The following CPT1C variants were observed in gnomAD, a reference collection of about 807,000 sequenced individuals.
CPT1C encodes carnitine palmitoyltransferase 1C.
CPT1C carries 61 observed loss-of-function variants against 97.3 expected under a neutral mutation model. The ratio of observed to expected loss-of-function variants is 0.63; its 90% CI spans 0.51 to 0.78. The LOEUF is 0.78. Ranked by LOEUF, CPT1C falls within the 30% of genes least tolerant of loss-of-function variation. The pLI, the probability that CPT1C is intolerant of heterozygous loss-of-function variation, is 0.00. For synonymous variants in CPT1C, 469 were observed against 447.2 expected, an observed-to-expected ratio of 1.05 and a Z score of -0.61; for missense variants, 975 against 1,065.5, an observed-to-expected ratio of 0.92 and a Z score of 1.18.
In CPT1C at chr19:49,705,236, C is replaced by T; in HGVS notation, c.902C>T (p.Pro301Leu). 1 of 1,614,020 alleles carries T rather than the reference C, an allele frequency of 6.2e-7. No homozygotes were observed. Among genetic ancestry groups the T allele is most frequent in the Non-Finnish European group, 8.5e-7 (1 of 1,179,936 alleles). Residue 301 changes from proline (P) to leucine (L), a missense_variant, in exon 10 of 20, where the codon CCC becomes CTC. By Grantham distance (98) the Pro-to-Leu change is moderately conservative. Around this residue, in one of 3 missense-constraint regions of CPT1C, gnomAD observed 596 missense variants for 603.1 expected, o/e 0.99. Transcript: ENST00000598293. ...IPPTLLMGMR[P>L]LCSAQYEKIF... ...CAGACTTTGCTGATGGGAATGCGCCCCTTATGCTCTGCCCAGTACGAGAAG... is the reference window on the plus strand; with the variant it reads ...CAGACTTTGCTGATGGGAATGCGCCTCTTATGCTCTGCCCAGTACGAGAAG...
At chr19:49,701,110 C>CCCCCCTTTCTCTCTGGGTCTCTGT (rs2083016556) in intron 5 of CPT1C, among the ~76,000 whole-genome samples, 4 of 47,704 alleles carry the variant, frequency 8.4e-5, no homozygotes, top group African/African-American at 3.0e-4. Flanking sequence ...TGGGTCTCTG[C>CCCCCCTTTCTCTCTGGGTCTCTGT]CCCCCTCTCT....
rs543751137 is a variant in CPT1C, at chr19:49,695,553, G to A, written c.142-1773G>A. The stretch of plus-strand genomic sequence containing the variant: ...ACCCGCCTTGGCCTCTCAGAGTGCT[G>A]GGACTACAGGCATGATCCACTGCAC... On this transcript the variant is annotated intron_variant, in intron 3 of 19. Transcript: ENST00000598293. Among the ~76,000 whole-genome samples, 432 of 149,380 alleles carry A rather than the reference G, an allele frequency of 2.9e-3. 3 individuals carry two copies. The highest frequency in any genetic ancestry group is 9.9e-3 in the African/African-American group (398 of 40,290).
intron 3 of CPT1C, 121 bp downstream of exon 3, chr19:49,692,514 T>G (rs10423580): frequency 0.46 from 593,034 of 1,281,464 alleles, 144,522 homozygotes; most frequent in African/African-American, 0.85. Flanking sequence ...CCCTTTTTCT[T>G]AGAATTTTGA....
intron 14 of CPT1C, 129 bp from the exon 15 acceptor site, chr19:49,710,191 T>G: frequency 1.1e-6 from 1 of 883,224 alleles, no homozygotes; most frequent in Non-Finnish European, 1.8e-6. Flanking sequence ...TCTTCTCTTC[T>G]TTGTCCCCAT....
chr19:49,709,910 G>C (rs143096125), intron 14 of CPT1C, among the ~76,000 whole-genome samples: 1 of 150,118 alleles, frequency 6.7e-6, no homozygotes, highest in African/African-American at 2.5e-5. Context: ...GCAGTGGTGC[G>C]ATCTCAGCTC....
intron 3 of CPT1C, 87 bp from the exon 4 acceptor site, chr19:49,697,239 G>A (rs1389855946): frequency 3.9e-6 from 6 of 1,556,884 alleles, no homozygotes; most frequent in Non-Finnish European, 4.4e-6. Context: ...CTCCGCACTG[G>A]GTGCTCAGTA....
In CPT1C at chr19:49,699,207, G is replaced by A. The variant is rs935115890; in HGVS notation, c.282-1477G>A. On this transcript the variant is annotated intron_variant, in intron 4 of 19. Transcript: ENST00000598293. ...TTTATTGAGTTATTGTGATCTTCAGGAAGGGTCTGAAAACTGGGTGCAGGT... is the reference window on the plus strand; with the variant it reads ...TTTATTGAGTTATTGTGATCTTCAGAAAGGGTCTGAAAACTGGGTGCAGGT... Among the ~76,000 whole-genome samples, 6 of 152,070 alleles carry A rather than the reference G, an allele frequency of 3.9e-5. No individual in the cohort carries two copies. In the South Asian group the frequency reaches 1.3e-3, roughly 32 times the overall value.
Position 49,711,912 on chromosome 19 carries a change from T to G in CPT1C, c.1970T>G (p.Leu657Arg). 5.6e-6 allele frequency: 9 copies of G among 1,614,180 alleles called. No homozygotes were observed. Among genetic ancestry groups the G allele is most frequent in the Non-Finnish European group, 7.6e-6 (9 of 1,180,032 alleles). ...GGAGTTGACCGCCACCTGTTTGCGC[T>G]GTACATCGTGTCCCGATTCCTCCAC... is the stretch of plus-strand genomic sequence containing the variant. ...GQGVDRHLFA[L>R]YIVSRFLHLQ... Residue 657 changes from leucine to arginine, a missense_variant, in exon 17 of 20, where the codon CTG becomes CGG. By Grantham distance (102) the Leu-to-Arg change is moderately radical (BLOSUM62 -2). Transcript: ENST00000598293.
At chr19:49,708,905 C>A (rs2083670973) in intron 14 of CPT1C, 66 bp downstream of exon 14, 1 of 1,001,864 alleles carries the variant, frequency 1.0e-6, no homozygotes, top group Non-Finnish European at 1.6e-6. Context: ...TCAAACTCAT[C>A]CCCACCCCTA....
At chr19:49,693,719 T>C (rs566689511) in intron 3 of CPT1C, among the ~76,000 whole-genome samples, 29 of 151,636 alleles carry the variant, frequency 1.9e-4, no homozygotes, top group African/African-American at 5.6e-4. Flanking sequence ...AGCCCAGGAC[T>C]TGGACACCAG....
chr19:49,699,829 C>T lies in CPT1C; in HGVS notation c.282-855C>T, dbSNP rs548469726. Among the ~76,000 whole-genome samples, 3 of 152,288 alleles carry T rather than the reference C, an allele frequency of 2.0e-5. No individual in the cohort carries two copies. In the East Asian group the frequency reaches 5.8e-4, roughly 29 times the overall value. ...ATTAGCTGGGCGTGGTGGCGGGCGC[C>T]TGCAGTCCCAGCTACTCGGGAGGCT... On this transcript the variant is annotated intron_variant, in intron 4 of 19. Coordinates refer to ENST00000598293, the MANE Select transcript of CPT1C (RefSeq NM_001199753.2).
Position 49,710,844 on chromosome 19 carries a change from A to C in CPT1C, c.1853A>C (p.Asp618Ala). The C allele has an allele frequency of 6.2e-7, 1 of 1,612,730 alleles. No homozygotes were observed. The highest frequency in any genetic ancestry group is 8.5e-7 in the Non-Finnish European group (1 of 1,178,948). ...EACNFVRAME[D>A]KEKTDPQCLA... ...TGCAACTTTGTCAGGGCCATGGAGG[A>C]CAAAGAGAAGACGGTGGGTGCAGCC... The change falls in exon 16 of 20, where the codon GAC (aspartate) becomes GCC (alanine). Residue 618 changes from aspartate to alanine, a missense_variant. This residue lies in a region of CPT1C where 344 missense variants were observed against 395.7 expected (regional missense o/e 0.87). Coordinates refer to ENST00000598293, the MANE Select transcript of CPT1C (RefSeq NM_001199753.2).
rs190999110 is a variant in CPT1C, at chr19:49,705,737, C to T, written c.965-172C>T. ...ATCTCACCACTGCACTCCAGCCTGG[C>T]GACAGAGCGAGACCTTGTCTCCAAA... On this transcript the variant is annotated intron_variant, in intron 10 of 19. Transcript: ENST00000598293. 8.5e-5 allele frequency among the ~76,000 whole-genome samples: 13 copies of T among 152,118 alleles called. No individual in the cohort carries two copies. The South Asian group carries it at 1.5e-3, about 17-fold the overall frequency.
chr19:49,697,587 A>G, intron 4 of CPT1C, 122 bp downstream of exon 4: 1 of 1,189,768 alleles, frequency 8.4e-7, no homozygotes, highest in Non-Finnish European at 1.2e-6. Flanking sequence ...ATTGGGTCAG[A>G]TTAATAAAGG....
Position 49,706,323 on chromosome 19 carries a change from A to T in CPT1C, c.1253A>T (p.Asp418Val), listed in dbSNP as rs1160929739. Residue 418 changes from aspartate (D) to valine (V), a missense_variant, in exon 12 of 20, where the codon GAT becomes GTT. By Grantham distance (152) the Asp-to-Val change is radical. Transcript: ENST00000598293. The surrounding 1 kb of genome is among the most constrained non-coding windows in gnomAD (Gnocchi z 4.8). Reference protein sequence around the residue: ...VEGAAFFVSLDAEPAGLTRED... With the variant: ...VEGAAFFVSLVAEPAGLTRED... ...GGGGCCGCTTTCTTTGTGTCACTGG[A>T]TGCTGAGCCCGCGGGGCTCACCAGG... The T allele has an allele frequency of 2.0e-6, 3 of 1,524,126 alleles. No homozygotes were observed. Among genetic ancestry groups the T allele is most frequent in the African/African-American group, 1.4e-5 (1 of 69,938 alleles). The allele number at this position is 1,524,126 out of a possible 1,614,324, so 94.4% of individuals were successfully genotyped here.
At chr19:49,698,490 C>G (rs1337091610) in intron 4 of CPT1C, among the ~76,000 whole-genome samples, 1 of 151,466 alleles carries the variant, frequency 6.6e-6, no homozygotes, top group African/African-American at 2.4e-5. Context: ...TAGTGAAACC[C>G]CGTCTCTACT....
chr19:49,703,350 C>A (rs1411723963), intron 7 of CPT1C, among the ~76,000 whole-genome samples: 9 of 136,558 alleles, frequency 6.6e-5, no homozygotes, highest in Non-Finnish European at 9.6e-5. Flanking sequence ...TGGCTAATTT[C>A]TTTTTTTTTT....
chr19:49,697,328 T>C lies in CPT1C; in HGVS notation c.144T>C (p.Asn48=), dbSNP rs1358980019. Residue 48 remains asparagine (N), a splice_region_variant and synonymous_variant, in exon 4 of 20, where the codon AAT becomes AAC. Transcript: ENST00000598293. ...TGGATGCCCTTTCCTCCCCACAGAA[T>C]GACTTTCTCACCGGTGTGTTTCCTG... ...SWKRHLSRFW[N]DFLTGVFPAS... 2 of 1,613,936 alleles carry C rather than the reference T, an allele frequency of 1.2e-6. No homozygotes were observed. Among genetic ancestry groups the C allele is most frequent in the Admixed American group, 3.3e-5 (2 of 59,982 alleles).
intron 7 of CPT1C, among the ~76,000 whole-genome samples, chr19:49,702,163 A>AATATATATTTATTTATTT (rs2083205199): frequency 1.2e-5 from 1 of 85,114 alleles, no homozygotes; most frequent in Non-Finnish European, 2.7e-5. Context: ...ATAAATTATA[A>AATATATATTTATTTATTT]ATAAATATAT....
Sources: allele counts gnomAD v4.1 joint callset (sites outside exome capture counted in the v4.1 genomes callset), GRCh38; gene constraint gnomAD v4.1.1; regional missense constraint gnomAD v4.1.1; non-coding constraint Gnocchi (gnomAD v3.1); transcripts MANE v1.5; gene names NCBI Gene and HGNC (gene_info 2026-07-23, HGNC 2026-07-21).